Variants in MYO5B observed in about 807,000 individuals in gnomAD.
MYO5B encodes the protein myosin VB, also known as unconventional myosin-Vb.
MYO5B carries 143 observed loss-of-function variants against 229.3 expected under a neutral mutation model. That is an observed-to-expected ratio of 0.62 (90% confidence interval 0.54 to 0.72). MYO5B has a LOEUF of 0.72. Ranked by LOEUF, MYO5B falls within the 30% of genes least tolerant of loss-of-function variation. The probability of loss-of-function intolerance (pLI) is 0.00; values close to 1 mark genes in which losing one functional copy is unlikely to be tolerated. For synonymous variants in MYO5B, 918 were observed against 885.2 expected, an observed-to-expected ratio of 1.04 and a Z score of -0.66; for missense variants, 2,321 against 2,331.0, an observed-to-expected ratio of 1.00 and a Z score of 0.09.
At chr18:49,917,965 A>G (rs1267039816) in intron 17 of MYO5B, among the ~76,000 whole-genome samples, 1 of 152,210 alleles carries the variant, frequency 6.6e-6, no homozygotes, top group Non-Finnish European at 1.5e-5. Context: ...GATCAGAGAC[A>G]GTAACAAAGG....
intron 2 of MYO5B, among the ~76,000 whole-genome samples, chr18:50,053,640 C>A (rs1396816296): frequency 6.7e-6 from 1 of 148,790 alleles, no homozygotes; most frequent in African/African-American, 2.5e-5. Context: ...AAGCTGCCTA[C>A]TAGGAAGAGG....
At chr18:49,920,300 T>A (rs1199100609) in intron 17 of MYO5B, among the ~76,000 whole-genome samples, 2 of 152,232 alleles carry the variant, frequency 1.3e-5, no homozygotes, top group Non-Finnish European at 2.9e-5. Context: ...TTATAGTAGA[T>A]AAATTATATC....
In MYO5B at chr18:50,124,395, A is replaced by T. The variant is rs572623876; in HGVS notation, c.28-69017T>A. On this transcript the variant is annotated intron_variant, in intron 1 of 39. Transcript: ENST00000285039. ...AGTTGGTACACCTTTTCCCATGCACATGGTCCCATCACTCTCCTTCAACTC... is the reference window on the plus strand; with the variant it reads ...AGTTGGTACACCTTTTCCCATGCACTTGGTCCCATCACTCTCCTTCAACTC... Among the ~76,000 whole-genome samples, 4 of 152,294 alleles carry T rather than the reference A, an allele frequency of 2.6e-5. No individual in the cohort carries two copies. In the South Asian group the frequency reaches 8.3e-4, roughly 32 times the overall value.
intron 1 of MYO5B, among the ~76,000 whole-genome samples, chr18:50,140,088 T>A (rs1044296217): frequency 4.6e-5 from 7 of 152,222 alleles, no homozygotes; most frequent in Non-Finnish European, 1.0e-4. Flanking sequence ...ACAGAGTAGA[T>A]GTATAATTTT....
At chr18:50,144,317 C>T (rs982802745) in intron 1 of MYO5B, among the ~76,000 whole-genome samples, 1 of 152,154 alleles carries the variant, frequency 6.6e-6, no homozygotes, top group Non-Finnish European at 1.5e-5. Context: ...CATCTTGCTG[C>T]CAACTCAAGA....
chr18:50,092,104 G>C (rs1244762947), intron 1 of MYO5B, among the ~76,000 whole-genome samples: 1 of 152,126 alleles, frequency 6.6e-6, no homozygotes, highest in East Asian at 1.9e-4. Context: ...CAAAGACAGA[G>C]ACCAGGAAAT....
chr18:50,059,919 G>T (rs536940493), intron 1 of MYO5B, among the ~76,000 whole-genome samples: 2 of 152,150 alleles, frequency 1.3e-5, no homozygotes, highest in African/African-American at 4.8e-5. Context: ...AGCAGTATAT[G>T]ATGAGTATAA....
At chr18:50,103,915 A>C (rs2144506247) in intron 1 of MYO5B, among the ~76,000 whole-genome samples, 2 of 152,158 alleles carry the variant, frequency 1.3e-5, no homozygotes, top group Admixed American at 1.3e-4. Context: ...CACAGTTTAC[A>C]AATTATGTTA....
chr18:50,096,216 A>G (rs1393861356), intron 1 of MYO5B, among the ~76,000 whole-genome samples: 1 of 152,178 alleles, frequency 6.6e-6, no homozygotes, highest in African/African-American at 2.4e-5. Context: ...AGGCAGCTCC[A>G]TGATTCACTT....
chr18:50,079,526 C>A (rs1020697869), intron 1 of MYO5B, among the ~76,000 whole-genome samples: 4 of 152,216 alleles, frequency 2.6e-5, no homozygotes, highest in Non-Finnish European at 5.9e-5. Flanking sequence ...CCCCTTGAGG[C>A]AGAGCCCTTC....
chr18:49,969,593 T>C (rs2025665482), intron 10 of MYO5B: 1 of 152,220 alleles, frequency 6.6e-6, no homozygotes, highest in African/African-American at 2.4e-5. Context: ...TTTTGTCCAA[T>C]TCTTTGTTCA....
At position 49,968,152 on chromosome 18, in the gene MYO5B, C is replaced by G. The variant is rs577825050; in HGVS notation, c.1323-5122G>C. Among the ~76,000 whole-genome samples the G allele has an allele frequency of 6.6e-5, 10 of 152,240 alleles. No homozygotes were observed. The East Asian group carries it at 1.7e-3, about 26-fold the overall frequency. ...ACAGGAAACTAGTACATGAGAGCCT[C>G]CCCAAGGAATAGAAATTGTATGTGT... On this transcript the variant is annotated intron_variant, in intron 10 of 39. Coordinates refer to ENST00000285039, the MANE Select transcript of MYO5B (RefSeq NM_001080467.3).
chr18:49,911,332 G>T (rs1053802237), intron 18 of MYO5B, among the ~76,000 whole-genome samples: 1 of 152,194 alleles, frequency 6.6e-6, no homozygotes, highest in African/African-American at 2.4e-5. Context: ...AGGCTGGTGG[G>T]AAAAATGTTA....
chr18:49,930,070 C>A (rs2025173049), intron 16 of MYO5B, among the ~76,000 whole-genome samples: 1 of 152,174 alleles, frequency 6.6e-6, no homozygotes, highest in African/African-American at 2.4e-5. Flanking sequence ...ATGACATGGT[C>A]ACTTACCAGC....
Position 49,987,134 on chromosome 18 carries a change from C to T in MYO5B, c.839-2309G>A, listed in dbSNP as rs2025878783. Among the ~76,000 whole-genome samples the T allele has an allele frequency of 2.6e-5, 4 of 152,228 alleles. No homozygotes were observed. In the South Asian group the frequency reaches 8.3e-4, roughly 32 times the overall value. ...ATGTTGCTACGAATCAGATAGACAC[C>T]CCGCCTTCCGAGATCCCAGTTCCCA... On this transcript the variant is annotated intron_variant, in intron 7 of 39. Transcript: ENST00000285039.
At chr18:49,863,554 G>A (rs1468195542) in intron 28 of MYO5B, among the ~76,000 whole-genome samples, 2 of 152,120 alleles carry the variant, frequency 1.3e-5, no homozygotes, top group African/African-American at 4.8e-5. Context: ...GGGGCGGTGG[G>A]GGAAGATGGC....
At chr18:49,896,102 T>A (rs533028098) in intron 21 of MYO5B, among the ~76,000 whole-genome samples, 36 of 152,324 alleles carry the variant, frequency 2.4e-4, no homozygotes, top group Admixed American at 2.3e-3. Context: ...AATCAATGAC[T>A]AATTCACATA....
Position 49,854,011 on chromosome 18 carries a change from A to G in MYO5B, c.4023-364T>C, listed in dbSNP as rs147734775. On this transcript the variant is annotated intron_variant, in intron 30 of 39. Coordinates refer to ENST00000285039, the MANE Select transcript of MYO5B (RefSeq NM_001080467.3). ...CTTAAAGCATCTTTTAAATAAAAAC[A>G]TCTACATCTGCCCCAAAGTTCACAA... Among the ~76,000 whole-genome samples, 278 of 152,354 alleles carry G rather than the reference A, an allele frequency of 1.8e-3. 1 individual carries two copies. Among genetic ancestry groups the G allele is most frequent in the African/African-American group, 6.6e-3 (273 of 41,592 alleles).
intron 16 of MYO5B, among the ~76,000 whole-genome samples, chr18:49,934,016 T>C (rs771268042): frequency 1.3e-5 from 2 of 152,198 alleles, no homozygotes; most frequent in African/African-American, 4.8e-5. Flanking sequence ...GCTGGGACTA[T>C]AGGCATGCAC....
Sources: allele counts gnomAD v4.1 joint callset (sites outside exome capture counted in the v4.1 genomes callset), GRCh38; gene constraint gnomAD v4.1.1; transcripts MANE v1.5; gene names NCBI Gene and HGNC (gene_info 2026-07-23, HGNC 2026-07-21).